Variants in NEDD8 observed in about 807,000 individuals in gnomAD.
NEDD8 encodes NEDD8 ubiquitin like modifier.
NEDD8 carries 1 observed loss-of-function variant against 13.8 expected under a neutral mutation model. The ratio of observed to expected loss-of-function variants is 0.07; its 90% CI spans 0.03 to 0.34. The LOEUF (loss-of-function observed/expected upper bound fraction) is 0.34. Ranked by LOEUF, NEDD8 falls within the 10% of genes least tolerant of loss-of-function variation. NEDD8 has a pLI of 0.99. For missense variants in NEDD8, 10 were observed against 95.2 expected (o/e 0.10, Z 3.73); for synonymous variants, 31 against 33.2 (o/e 0.93, Z 0.23).
At chr14:24,223,466 T>C (rs2039840584) in intron 1 of NEDD8, among the ~76,000 whole-genome samples, 1 of 152,196 alleles carries the variant, frequency 6.6e-6, no homozygotes. Flanking sequence ...TGACATATAT[T>C]TAAGTTTCAT....
At chr14:24,223,322 G>A (rs1477914714) in intron 1 of NEDD8, among the ~76,000 whole-genome samples, 1 of 151,508 alleles carries the variant, frequency 6.6e-6, no homozygotes, top group African/African-American at 2.4e-5. Flanking sequence ...GACTGCCCAA[G>A]CCCAGGAGTT....
intron 3 of NEDD8, among the ~76,000 whole-genome samples, 190 bp from the exon 4 acceptor site, chr14:24,217,413 C>T (rs569538510): frequency 9.9e-5 from 15 of 152,196 alleles, no homozygotes; most frequent in African/African-American, 3.6e-4. Context: ...CTTCAGCCTC[C>T]TGAGTAGCTG....
At chr14:24,217,328 C>T (rs2039722662) in intron 3 of NEDD8, 105 bp from the exon 4 acceptor site, 2 of 949,554 alleles carry the variant, frequency 2.1e-6, no homozygotes, top group Admixed American at 4.6e-5. Context: ...CTCGCTCTGT[C>T]ATCTAGGCTG....
chr14:24,222,000 G>A (rs985708347), intron 1 of NEDD8, among the ~76,000 whole-genome samples: 1 of 152,178 alleles, frequency 6.6e-6, no homozygotes, highest in South Asian at 2.1e-4. Context: ...TTATTGGTTT[G>A]TAAATTCTAA....
chr14:24,220,330 A>G (rs1392564240), intron 1 of NEDD8, among the ~76,000 whole-genome samples: 1 of 152,038 alleles, frequency 6.6e-6, no homozygotes, highest in Non-Finnish European at 1.5e-5. Flanking sequence ...TTTTCCTTTT[A>G]TTTTTTTAAG....
At chr14:24,225,011 TAGTC>T (rs771667774) in intron 1 of NEDD8, among the ~76,000 whole-genome samples, 40 of 151,692 alleles carry the variant, frequency 2.6e-4, no homozygotes, top group African/African-American at 8.5e-4. Flanking sequence ...ATACAAAAAT[TAGTC>T]AGGCATGGTG....
intron 1 of NEDD8, among the ~76,000 whole-genome samples, chr14:24,221,798 A>G (rs2144488): frequency 0.99 from 150,956 of 152,008 alleles, 74,965 homozygotes; most frequent in Middle Eastern, 1. Flanking sequence ...GTTTCTCCAT[A>G]TTGGTCAGGC....
rs188909274 is a variant in NEDD8, at chr14:24,230,385, A to T, written c.18+1865T>A. Among the ~76,000 whole-genome samples, 204 of 148,810 alleles carry T rather than the reference A, an allele frequency of 1.4e-3. 4 individuals carry two copies. In the East Asian group the frequency reaches 0.028, roughly 21 times the overall value. On this transcript the variant is annotated intron_variant, in intron 1 of 3. Transcript: ENST00000250495. ...CTGTCTCTACTAAAAATACAAAAAA[A>T]TTAGCTGGGCGTGGTGGCAGGCGCC...
intron 1 of NEDD8, among the ~76,000 whole-genome samples, chr14:24,225,962 C>T (rs564371523): frequency 2.0e-5 from 3 of 151,808 alleles, no homozygotes; most frequent in Non-Finnish European, 2.9e-5. Flanking sequence ...ATGCTTGAAC[C>T]CAGGAGGTGG....
intron 1 of NEDD8, among the ~76,000 whole-genome samples, chr14:24,229,806 T>G (rs2039959591): frequency 6.6e-6 from 1 of 152,158 alleles, no homozygotes; most frequent in Admixed American, 6.5e-5. Context: ...CCGGGCGCGG[T>G]GGCTCATGAC....
At chr14:24,226,041 A>G (rs951630077) in intron 1 of NEDD8, among the ~76,000 whole-genome samples, 2 of 145,062 alleles carry the variant, frequency 1.4e-5, no homozygotes, top group Non-Finnish European at 3.0e-5. Context: ...TCCATCTCCA[A>G]AAAAAAAAAA....
intron 1 of NEDD8, 103 bp downstream of exon 1, chr14:24,232,147 T>C: frequency 6.3e-7 from 1 of 1,584,344 alleles, no homozygotes; most frequent in Admixed American, 1.7e-5. Flanking sequence ...GTCAGCGTCC[T>C]CCAGGCTAGG....
chr14:24,217,585 C>T (rs1847769553), intron 3 of NEDD8: 2 of 200,034 alleles, frequency 1.0e-5, no homozygotes, highest in Non-Finnish European at 1.0e-5. Context: ...CCACTGCGCC[C>T]GGCCAGAACA....
intron 1 of NEDD8, among the ~76,000 whole-genome samples, chr14:24,224,056 T>C (rs1324171234): frequency 2.6e-5 from 4 of 151,718 alleles, no homozygotes; most frequent in African/African-American, 7.3e-5. Context: ...GCCTCCAGAG[T>C]AGCTGGGACT....
chr14:24,224,806 G>T (rs2039862978), intron 1 of NEDD8, among the ~76,000 whole-genome samples: 1 of 152,148 alleles, frequency 6.6e-6, no homozygotes, highest in Non-Finnish European at 1.5e-5. Flanking sequence ...GATTAATCAA[G>T]CCTCTAGATC....
chr14:24,223,192 T>TG (rs1183036103), intron 1 of NEDD8, among the ~76,000 whole-genome samples: 1 of 151,366 alleles, frequency 6.6e-6, no homozygotes, highest in African/African-American at 2.4e-5. Context: ...GCTTGAGGCT[T>TG]GGAGTTTTGA....
At position 24,232,306 on chromosome 14, in the gene NEDD8, G is replaced by A. The variant is rs754131162; in HGVS notation, c.-39C>T. 5 of 1,609,166 alleles carry A rather than the reference G, an allele frequency of 3.1e-6. No homozygotes were observed. In the Admixed American group the frequency reaches 5.1e-5, roughly 16 times the overall value. On this transcript the variant is annotated 5_prime_UTR_variant, in exon 1 of 4. Transcript: ENST00000250495. Reference sequence around the variant, plus strand: ...TGGGGCTGCACACGGATAAATTGCTGCTCCTACCGCTCCGGTCGCCGCTGC... The same window carrying A: ...TGGGGCTGCACACGGATAAATTGCTACTCCTACCGCTCCGGTCGCCGCTGC...
intron 1 of NEDD8, among the ~76,000 whole-genome samples, chr14:24,230,484 G>A (rs181237892): frequency 0.062 from 7,746 of 125,150 alleles, 303 homozygotes; most frequent in East Asian, 0.2. Context: ...GCAGTGAGCC[G>A]AGATGGCGCC....
chr14:24,228,705 G>A (rs1353350358), intron 1 of NEDD8: 2 of 109,912 alleles, frequency 1.8e-5, no homozygotes, highest in Non-Finnish European at 3.4e-5. Context: ...GGGCGACAGA[G>A]TGAGAACCTG....
Sources: gnomAD v4.1 joint callset for allele counts (sites outside exome capture counted in the v4.1 genomes callset) on GRCh38, gnomAD v4.1.1 for gene constraint, MANE v1.5 for transcripts, NCBI Gene and HGNC (gene_info 2026-07-23, HGNC 2026-07-21) for gene names.